Variants in KIAA1217 observed in about 807,000 individuals in gnomAD.
KIAA1217 encodes the protein KIAA1217, also known as sickle tail protein homolog.
In KIAA1217, 88 loss-of-function variants were observed where a neutral mutation model predicts 163.9. The ratio of observed to expected loss-of-function variants is 0.54; its 90% CI spans 0.45 to 0.64. The LOEUF (loss-of-function observed/expected upper bound fraction) is 0.64, where lower values mean the gene tolerates loss of function less well. Ranked by LOEUF, KIAA1217 falls within the 30% of genes least tolerant of loss-of-function variation. KIAA1217 has a pLI of 0.00. For synonymous variants in KIAA1217, 903 were observed against 923.1 expected (o/e 0.98, Z 0.39); for missense variants, 2,372 against 2,475.0 (o/e 0.96, Z 0.88).
chr10:24,342,633 C>T (rs2047229163), intron 2 of KIAA1217, among the ~76,000 whole-genome samples: 1 of 150,494 alleles, frequency 6.6e-6, no homozygotes, highest in Non-Finnish European at 1.5e-5. Context: ...TTCACATTAG[C>T]TCATGCAGAT....
At chr10:23,715,822 T>G (rs1191822149) in intron 1 of KIAA1217, among the ~76,000 whole-genome samples, 1 of 152,218 alleles carries the variant, frequency 6.6e-6, no homozygotes, top group Non-Finnish European at 1.5e-5. Context: ...CATGACACTT[T>G]AACTTTTACA....
rs574301170 is a variant in KIAA1217 at position 24,095,266 on chromosome 10, C to G, written c.-171+87892C>G. 2.6e-5 allele frequency among the ~76,000 whole-genome samples: 4 copies of G among 152,320 alleles called. No individual in the cohort carries two copies. In the South Asian group the frequency reaches 8.3e-4, roughly 32 times the overall value. On this transcript the variant is annotated intron_variant, in intron 2 of 18. Transcript: ENST00000376462. Reference sequence around the variant, plus strand: ...ACTGTCCTGCGCCCACTGTCTGGCACTCCCTAGTGAGATGAACCTGGTACC... The same window carrying G: ...ACTGTCCTGCGCCCACTGTCTGGCAGTCCCTAGTGAGATGAACCTGGTACC...
At chr10:24,387,651 AC>A (rs1234513429) in intron 3 of KIAA1217, among the ~76,000 whole-genome samples, 1 of 151,594 alleles carries the variant, frequency 6.6e-6, no homozygotes, top group Non-Finnish European at 1.5e-5. Context: ...ATATTTAAAA[AC>A]CCCCGTTGTC....
intron 2 of KIAA1217, among the ~76,000 whole-genome samples, chr10:24,200,046 C>G (rs1031031960): frequency 9.2e-5 from 14 of 151,980 alleles, no homozygotes; most frequent in Admixed American, 3.3e-4. Context: ...TCCTTCCCCC[C>G]CATGCACCCC....
chr10:24,546,024 A>G lies in KIAA1217; in HGVS notation c.5532A>G (p.Thr1844=). Residue 1844 remains threonine, a synonymous_variant, in exon 21 of 21, where the codon ACA becomes ACG. Coordinates refer to ENST00000376454, the MANE Select transcript of KIAA1217 (RefSeq NM_019590.5). Reference sequence around the variant, plus strand: ...CTTCTAACCCTCTCAGCCCCCAAACAGGACCACCTGCTCACTCTGCCTCCC... The same window carrying G: ...CTTCTAACCCTCTCAGCCCCCAAACGGGACCACCTGCTCACTCTGCCTCCC... The part of the protein sequence containing the change: ...SIASNPLSPQ[T]GPPAHSASLI... The G allele has an allele frequency of 6.2e-7, 1 of 1,614,138 alleles. No individual in the cohort carries two copies. Among genetic ancestry groups the G allele is most frequent in the Non-Finnish European group, 8.5e-7 (1 of 1,180,030 alleles).
chr10:24,218,252 G>T (rs2069094520), intron 1 of KIAA1217, among the ~76,000 whole-genome samples: 1 of 152,044 alleles, frequency 6.6e-6, no homozygotes, highest in Non-Finnish European at 1.5e-5. Context: ...AACCATCGAG[G>T]ATGAATGGAG....
intron 2 of KIAA1217, among the ~76,000 whole-genome samples, chr10:24,259,578 G>A (rs1353220552): frequency 6.6e-6 from 1 of 152,210 alleles, no homozygotes; most frequent in Non-Finnish European, 1.5e-5. Context: ...TTGCATCACT[G>A]CAGTCCAGCC....
intron 2 of KIAA1217, among the ~76,000 whole-genome samples, chr10:24,026,741 G>GTTT (rs1488986283): frequency 3.7e-5 from 2 of 54,310 alleles, no homozygotes; most frequent in African/African-American, 8.2e-5. Context: ...CTATTTCATT[G>GTTT]ATTTTTTTTT....
At chr10:23,832,012 T>G (rs2131042040) in intron 1 of KIAA1217, among the ~76,000 whole-genome samples, 1 of 152,284 alleles carries the variant, frequency 6.6e-6, no homozygotes, top group African/African-American at 2.4e-5. Flanking sequence ...AATTCTCTAG[T>G]GGACACCAAC....
intron 6 of KIAA1217, among the ~76,000 whole-genome samples, chr10:24,476,073 G>C (rs142071227): frequency 2.6e-4 from 39 of 152,190 alleles, no homozygotes; most frequent in Admixed American, 4.6e-4. Flanking sequence ...TTTCCACCCC[G>C]GTTCTTGGAT....
At chr10:24,253,743 A>C (rs933481546) in intron 2 of KIAA1217, among the ~76,000 whole-genome samples, 7 of 151,548 alleles carry the variant, frequency 4.6e-5, no homozygotes, top group African/African-American at 1.7e-4. Context: ...AAAGAAAAAA[A>C]AAAAAGAAAA....
chr10:24,208,082 A>G (rs1196329481), upstream of KIAA1217, among the ~76,000 whole-genome samples: 3 of 150,444 alleles, frequency 2.0e-5, no homozygotes, highest in African/African-American at 7.4e-5. Flanking sequence ...GATATCTGAC[A>G]TCGCAGAGCT....
chr10:23,756,128 C>CTT (rs374311551), intron 1 of KIAA1217, among the ~76,000 whole-genome samples: 1 of 139,838 alleles, frequency 7.2e-6, no homozygotes. Context: ...GGCTAATTTT[C>CTT]TTTTTTTTTT....
At chr10:24,434,231 G>C (rs1432718663) in intron 4 of KIAA1217, among the ~76,000 whole-genome samples, 2 of 151,808 alleles carry the variant, frequency 1.3e-5, no homozygotes, top group Non-Finnish European at 2.9e-5. Flanking sequence ...TAGGTACGGG[G>C]TTTTACCACG....
chr10:24,371,027 A>G (rs1429702804), intron 2 of KIAA1217, among the ~76,000 whole-genome samples: 1 of 152,230 alleles, frequency 6.6e-6, no homozygotes, highest in Non-Finnish European at 1.5e-5. Context: ...CTAACTTGGT[A>G]GAAGGATGCT....
intron 1 of KIAA1217, among the ~76,000 whole-genome samples, chr10:24,214,686 C>T (rs2068589732): frequency 6.6e-6 from 1 of 152,166 alleles, no homozygotes; most frequent in South Asian, 2.1e-4. Context: ...TACAACCAGA[C>T]CAAACAGCAA....
chr10:23,862,668 A>G (rs1840008772), intron 1 of KIAA1217, among the ~76,000 whole-genome samples: 2 of 152,160 alleles, frequency 1.3e-5, no homozygotes, highest in South Asian at 4.1e-4. Flanking sequence ...AAATTACTGG[A>G]GAACAAAATT....
At chr10:24,349,214 G>T (rs1477126146) in intron 2 of KIAA1217, among the ~76,000 whole-genome samples, 1 of 151,484 alleles carries the variant, frequency 6.6e-6, no homozygotes. Flanking sequence ...GTTAATGGAT[G>T]CATGATGTTA....
At chr10:24,340,574 T>C (rs2046965866) in intron 2 of KIAA1217, among the ~76,000 whole-genome samples, 1 of 152,122 alleles carries the variant, frequency 6.6e-6, no homozygotes, top group Admixed American at 6.5e-5. Flanking sequence ...TTAATATCCC[T>C]GCAGTTCCCT....
Sources: gnomAD v4.1 joint callset for allele counts (sites outside exome capture counted in the v4.1 genomes callset) on GRCh38, gnomAD v4.1.1 for gene constraint, MANE v1.5 for transcripts, NCBI Gene and HGNC (gene_info 2026-07-23, HGNC 2026-07-21) for gene names.